PCDH15: variants seen among roughly 807,000 people sequenced by gnomAD.
PCDH15 encodes the protein protocadherin-15.
In PCDH15, 129 loss-of-function variants were observed where a neutral mutation model predicts 178.5. That is an observed-to-expected ratio of 0.72 (90% confidence interval 0.63 to 0.84). PCDH15 has a LOEUF of 0.84. Ranked by LOEUF, PCDH15 falls within the 40% of genes least tolerant of loss-of-function variation. The probability of loss-of-function intolerance (pLI) is 0.00; values close to 1 mark genes in which losing one functional copy is unlikely to be tolerated. For synonymous variants in PCDH15, 800 were observed against 732.0 expected, an observed-to-expected ratio of 1.09 and a Z score of -1.50; for missense variants, 2,230 against 2,099.9, an observed-to-expected ratio of 1.06 and a Z score of -1.21.
At chr10:54,164,236 G>A (rs1363670904) in intron 13 of PCDH15, among the ~76,000 whole-genome samples, 1 of 152,070 alleles carries the variant, frequency 6.6e-6, no homozygotes. Context: ...TCTATTTTTT[G>A]CTAGGAAAGT....
At chr10:54,050,377 T>A (rs2093742801) in intron 18 of PCDH15, among the ~76,000 whole-genome samples, 1 of 152,278 alleles carries the variant, frequency 6.6e-6, no homozygotes, top group African/African-American at 2.4e-5. Context: ...TCTGAGGATC[T>A]TTTGTATTTC....
intron 25 of PCDH15, among the ~76,000 whole-genome samples, chr10:53,926,028 T>A (rs897755312): frequency 8.5e-5 from 13 of 152,232 alleles, no homozygotes; most frequent in Non-Finnish European, 1.9e-4. Flanking sequence ...TAGATCTTAT[T>A]CATGTCACCC....
chr10:54,084,213 G>C (rs910170438), intron 16 of PCDH15, among the ~76,000 whole-genome samples: 3 of 151,852 alleles, frequency 2.0e-5, no homozygotes, highest in African/African-American at 7.3e-5. Flanking sequence ...AGCCTCCTGA[G>C]TAGCTGGGAT....
chr10:54,150,830 C>A (rs2044456842), intron 14 of PCDH15, among the ~76,000 whole-genome samples: 1 of 151,588 alleles, frequency 6.6e-6, no homozygotes, highest in Non-Finnish European at 1.5e-5. Flanking sequence ...TAGGATTTCT[C>A]AAAAAGAAAA....
intron 15 of PCDH15, among the ~76,000 whole-genome samples, chr10:54,116,299 A>G (rs1201200173): frequency 1.3e-5 from 2 of 151,686 alleles, no homozygotes; most frequent in Non-Finnish European, 2.9e-5. Context: ...GTTACAATGG[A>G]GTCAACAGAT....
chr10:54,580,549 G>A (rs2090939596), intron 2 of PCDH15, among the ~76,000 whole-genome samples: 2 of 151,906 alleles, frequency 1.3e-5, no homozygotes, highest in African/African-American at 4.8e-5. Flanking sequence ...CAATTCTACT[G>A]ACACTATTAC....
chr10:54,529,506 G>GA lies in PCDH15; in HGVS notation c.92-1630dup, dbSNP rs538203203. 6.5e-4 allele frequency among the ~76,000 whole-genome samples: 98 copies of GA among 150,372 alleles called. 2 individuals are homozygous for GA. In the Middle Eastern group the frequency reaches 0.02, roughly 31 times the overall value. On this transcript the variant is annotated intron_variant, in intron 2 of 37. Transcript: ENST00000644397. ...CTTACATGTTTCTTTTGGAGAAAAT[G>GA]AAAAAAAAATCAGAAGAACAAAGTT...
intron 29 of PCDH15, among the ~76,000 whole-genome samples, chr10:53,834,360 G>GAGTT (rs2077182096): frequency 6.6e-6 from 1 of 152,228 alleles, no homozygotes; most frequent in Non-Finnish European, 1.5e-5. Context: ...AAAATTTCCA[G>GAGTT]AGTTATATAT....
At chr10:54,766,661 G>A (rs1948542687) in intron 1 of PCDH15, among the ~76,000 whole-genome samples, 1 of 152,096 alleles carries the variant, frequency 6.6e-6, no homozygotes, top group Non-Finnish European at 1.5e-5. Flanking sequence ...CAGGCGTGGT[G>A]GCTCACGCCT....
chr10:53,971,488 A>G (rs2089679829), intron 21 of PCDH15, among the ~76,000 whole-genome samples: 1 of 152,212 alleles, frequency 6.6e-6, no homozygotes, highest in African/African-American at 2.4e-5. Flanking sequence ...GGAAAAGAAG[A>G]AGTCAAATTG....
At chr10:54,507,176 C>T (rs928022870) in intron 3 of PCDH15, among the ~76,000 whole-genome samples, 22 of 151,920 alleles carry the variant, frequency 1.4e-4, no homozygotes, top group Admixed American at 9.9e-4. Context: ...CTTTACTCTA[C>T]GCAAGCACTT....
At chr10:54,402,214 G>T (rs905700093) in intron 3 of PCDH15, among the ~76,000 whole-genome samples, 3 of 151,796 alleles carry the variant, frequency 2.0e-5, no homozygotes, top group Non-Finnish European at 4.4e-5. Context: ...ATTAGGAATA[G>T]AAAGTAACTT....
At chr10:53,808,263 A>AATTTG (rs1464311417) in intron 37 of PCDH15, 2 of 288,344 alleles carry the variant, frequency 6.9e-6, no homozygotes, top group African/African-American at 2.3e-5. Flanking sequence ...TTAAAGATAT[A>AATTTG]ATTTGTTGAA....
intron 11 of PCDH15, among the ~76,000 whole-genome samples, chr10:54,193,463 A>G (rs1489797435): frequency 3.9e-5 from 6 of 152,212 alleles, no homozygotes; most frequent in Admixed American, 6.5e-5. Context: ...ATTAGTCACT[A>G]CTTAAAATAT....
chr10:54,297,891 T>G (rs1014951697), intron 8 of PCDH15, among the ~76,000 whole-genome samples: 1 of 152,190 alleles, frequency 6.6e-6, no homozygotes, highest in Non-Finnish European at 1.5e-5. Context: ...GAATGTGGCT[T>G]TAGCTGCAGC....
intron 2 of PCDH15, among the ~76,000 whole-genome samples, chr10:55,021,487 C>T (rs1840326434): frequency 6.6e-6 from 1 of 152,174 alleles, no homozygotes; most frequent in African/African-American, 2.4e-5. Flanking sequence ...TCTTTCTCTC[C>T]ATCATCCTTC....
chr10:54,533,628 A>C (rs569657717), intron 2 of PCDH15, among the ~76,000 whole-genome samples: 2 of 151,924 alleles, frequency 1.3e-5, no homozygotes, highest in South Asian at 4.1e-4. Context: ...AATTATATCA[A>C]AGATCAACTT....
chr10:54,278,397 C>T (rs942766751), intron 8 of PCDH15, among the ~76,000 whole-genome samples: 3 of 151,454 alleles, frequency 2.0e-5, no homozygotes, highest in Admixed American at 6.6e-5. Flanking sequence ...TTAGCCATAA[C>T]GCTTTAATAA....
intron 2 of PCDH15, among the ~76,000 whole-genome samples, chr10:55,385,710 T>TAC (rs1837639318): frequency 1.4e-5 from 2 of 146,402 alleles, no homozygotes; most frequent in East Asian, 2.0e-4. Flanking sequence ...TATATATATA[T>TAC]ATATATATGC....
Sources: gnomAD v4.1 joint callset for allele counts (sites outside exome capture counted in the v4.1 genomes callset) on GRCh38, gnomAD v4.1.1 for gene constraint, MANE v1.5 for transcripts, NCBI Gene and HGNC (gene_info 2026-07-23, HGNC 2026-07-21) for gene names.